The following LIMK1 variants were observed in gnomAD, a reference collection of about 807,000 sequenced individuals.
The protein encoded by LIMK1 is LIM domain kinase 1, also known as LIM motif-containing protein kinase.
LIMK1 carries 21 observed loss-of-function variants against 77.6 expected under a neutral mutation model. That is an observed-to-expected ratio of 0.27 (90% CI 0.19 to 0.39). LIMK1 has a LOEUF of 0.39. Ranked by LOEUF, LIMK1 falls within the 10% of genes least tolerant of loss-of-function variation. LIMK1 has a pLI of 1.00. For synonymous variants in LIMK1, 358 were observed against 370.0 expected (o/e 0.97, Z 0.37); for missense variants, 696 against 901.6 (o/e 0.77, Z 2.92).
rs781811762 is a variant in LIMK1 at position 74,121,296 on chromosome 7, G to A, written c.1939G>A (p.Asp647Asn). Residue 647 changes from aspartate to asparagine, a missense_variant, in exon 16 of 16, where the codon GAC becomes AAC. Physicochemically the swap from Asp to Asn is conservative, Grantham distance 23. Around this residue, in one of 3 missense-constraint regions of LIMK1, gnomAD observed 438 missense variants for 602.3 expected, o/e 0.73. Coordinates refer to ENST00000336180, the MANE Select transcript of LIMK1 (RefSeq NM_002314.4). The stretch of plus-strand genomic sequence containing the variant: ...ACTGCCTGCCCACCCTGAGGTCCCC[G>A]ACTGAGCCAGGGCCACTCAGCTGCC... ...SGLPAHPEVPD is the reference protein window; with the variant it reads ...SGLPAHPEVPN The A allele has an allele frequency of 2.4e-5, 39 of 1,593,566 alleles. 1 individual carries two copies. The highest frequency in any genetic ancestry group is 4.0e-5 in the African/African-American group (3 of 74,548).
intron 13 of LIMK1, among the ~76,000 whole-genome samples, chr7:74,118,179 A>G (rs1166995583): frequency 1.3e-5 from 2 of 151,544 alleles, no homozygotes; most frequent in Admixed American, 6.6e-5. Context: ...GATTGAGACC[A>G]TCCTGGTCAA....
intron 5 of LIMK1, among the ~76,000 whole-genome samples, chr7:74,102,848 C>T (rs1326490200): frequency 2.0e-5 from 3 of 151,204 alleles, no homozygotes; most frequent in South Asian, 2.1e-4. Context: ...TGCATTTAAT[C>T]GTCATGTGTC....
intron 5 of LIMK1, among the ~76,000 whole-genome samples, chr7:74,103,484 G>T (rs1320385455): frequency 6.6e-6 from 1 of 152,108 alleles, no homozygotes; most frequent in Non-Finnish European, 1.5e-5. Context: ...CCTTCCGAGT[G>T]GATCTTGCCA....
chr7:74,100,752 T>A (rs1287267191), intron 5 of LIMK1, among the ~76,000 whole-genome samples: 3 of 146,186 alleles, frequency 2.1e-5, no homozygotes, highest in Non-Finnish European at 4.5e-5. Context: ...TTTTTTTTTT[T>A]CGAGACGGAG....
chr7:74,085,690 G>T, intron 1 of LIMK1, 58 bp from the exon 2 acceptor site: 1 of 1,388,784 alleles, frequency 7.2e-7, no homozygotes. Context: ...GGGCAAGCTG[G>T]GCCTGCACCA....
At chr7:74,085,709 T>C (rs1207662874) in intron 1 of LIMK1, 39 bp from the exon 2 acceptor site, 1 of 1,517,356 alleles carries the variant, frequency 6.6e-7, no homozygotes, top group South Asian at 1.2e-5. Context: ...CAGATCACAC[T>C]TCCTGAGAAT....
intron 14 of LIMK1, 74 bp downstream of exon 14, chr7:74,120,712 A>C: frequency 6.4e-7 from 1 of 1,569,652 alleles, no homozygotes; most frequent in South Asian, 1.1e-5. Context: ...CAGGCTCAGC[A>C]TCTGCAGGGG....
intron 5 of LIMK1, 130 bp downstream of exon 5, chr7:74,099,368 C>T (rs1461710617): frequency 3.5e-6 from 3 of 857,964 alleles, no homozygotes; most frequent in African/African-American, 3.4e-5. Flanking sequence ...CCAGTTCTGA[C>T]AACCTGGTTT....
At chr7:74,109,870 C>T (rs984118777) in intron 10 of LIMK1, 1 of 152,270 alleles carries the variant, frequency 6.6e-6, no homozygotes, top group Admixed American at 6.6e-5. Flanking sequence ...GAGGAAGCCT[C>T]ACAGAGCCCT....
intron 2 of LIMK1, among the ~76,000 whole-genome samples, chr7:74,090,135 G>A (rs1238531931): frequency 6.6e-6 from 1 of 152,144 alleles, no homozygotes; most frequent in African/African-American, 2.4e-5. Context: ...AGCACTTTGG[G>A]AGGCCAAGGC....
Position 74,085,832 on chromosome 7 carries a change from C to G in LIMK1, c.140C>G (p.Ala47Gly). ...YLQALNADWH[A>G]DCFRCCDCSA... ...CAGGCCCTGAACGCGGACTGGCACG[C>G]AGACTGCTTCAGGTAGGGTGGGGTG... The change falls in exon 2 of 16, where the codon GCA (alanine) becomes GGA (glycine). Residue 47 changes from alanine to glycine, a missense_variant. By Grantham distance (60) the Ala-to-Gly change is moderately conservative. Around this residue, in one of 3 missense-constraint regions of LIMK1, gnomAD observed 252 missense variants for 279.4 expected, o/e 0.90. Coordinates refer to ENST00000336180, the MANE Select transcript of LIMK1 (RefSeq NM_002314.4). 1 of 1,553,894 alleles carries G rather than the reference C, an allele frequency of 6.4e-7. No individual in the cohort carries two copies. Among genetic ancestry groups the G allele is most frequent in the South Asian group, 1.2e-5 (1 of 84,354 alleles).
intron 1 of LIMK1, among the ~76,000 whole-genome samples, chr7:74,084,321 C>A (rs1344166101): frequency 6.6e-6 from 1 of 152,108 alleles, no homozygotes; most frequent in East Asian, 1.9e-4. Context: ...CACTGCCCAC[C>A]CCGCGTCGGC....
intron 2 of LIMK1, among the ~76,000 whole-genome samples, chr7:74,094,831 G>A (rs1255219859): frequency 2.7e-5 from 4 of 150,106 alleles, no homozygotes; most frequent in Non-Finnish European, 5.9e-5. Context: ...CCCTGCCACC[G>A]CCACCACCTC....
intron 2 of LIMK1, chr7:74,094,064 G>A (rs1225789945): frequency 6.6e-6 from 1 of 152,380 alleles, no homozygotes; most frequent in Non-Finnish European, 1.5e-5. Context: ...GGGGTCTCGG[G>A]GCAGTTCTGA....
intron 2 of LIMK1, among the ~76,000 whole-genome samples, chr7:74,091,287 G>A (rs1230075800): frequency 6.6e-6 from 1 of 152,108 alleles, no homozygotes; most frequent in Non-Finnish European, 1.5e-5. Flanking sequence ...ACTTTGGGAG[G>A]CTGAGGCAGG....
Position 74,120,874 on chromosome 7 carries a change from G to C in LIMK1, c.1624-18G>C. On this transcript the variant is annotated intron_variant, in intron 14 of 15. Coordinates refer to ENST00000336180, the MANE Select transcript of LIMK1 (RefSeq NM_002314.4). Reference sequence around the variant, plus strand: ...CTGAGGGCCCCCTGGAGTAACTGCCGGGCCTTGTACTGGACAGATCATCGG... The same window carrying C: ...CTGAGGGCCCCCTGGAGTAACTGCCCGGCCTTGTACTGGACAGATCATCGG... The C allele has an allele frequency of 1.9e-6, 3 of 1,613,996 alleles. No individual in the cohort carries two copies. The highest frequency in any genetic ancestry group is 2.5e-6 in the Non-Finnish European group (3 of 1,179,944).
chr7:74,108,781 G>T (rs527712994), intron 9 of LIMK1, 124 bp from the exon 10 acceptor site: 1 of 1,450,072 alleles, frequency 6.9e-7, no homozygotes, highest in East Asian at 2.5e-5. Flanking sequence ...CAGGAGAGGG[G>T]AGCTGGGGGT....
intron 5 of LIMK1, among the ~76,000 whole-genome samples, chr7:74,102,904 T>C (rs1799495287): frequency 6.6e-6 from 1 of 151,948 alleles, no homozygotes; most frequent in African/African-American, 2.4e-5. Flanking sequence ...ATTTTGCTCT[T>C]GTTGCCCAGG....
chr7:74,112,080 C>G (rs540242161), intron 12 of LIMK1, 82 bp downstream of exon 12: 4 of 1,100,902 alleles, frequency 3.6e-6, no homozygotes, highest in Admixed American at 4.5e-5. Context: ...CTTCCCAGAA[C>G]TGGAGGCCCC....
Sources: gnomAD v4.1 joint callset for allele counts (sites outside exome capture counted in the v4.1 genomes callset) on GRCh38, gnomAD v4.1.1 for gene constraint, gnomAD v4.1.1 regional missense constraint, MANE v1.5 for transcripts, NCBI Gene and HGNC (gene_info 2026-07-23, HGNC 2026-07-21) for gene names.